The following MED13L variants were observed in gnomAD, a reference collection of about 807,000 sequenced individuals.
MED13L encodes mediator complex subunit 13L.
A neutral mutation model predicts 220.9 loss-of-function variants in MED13L; 7 were observed. The ratio of observed to expected loss-of-function variants is 0.03; its 90% CI spans 0.02 to 0.06. MED13L has a LOEUF of 0.06. Ranked by LOEUF, MED13L falls within the 10% of genes least tolerant of loss-of-function variation. The pLI is 1.00. For synonymous variants in MED13L, 1,011 were observed against 1,015.2 expected (o/e 1.00, Z 0.08); for missense variants, 1,965 against 2,760.5 (o/e 0.71, Z 6.46).
intron 1 of MED13L, among the ~76,000 whole-genome samples, chr12:116,268,590 G>A (rs542611182): frequency 2.7e-5 from 4 of 150,760 alleles, no homozygotes; most frequent in African/African-American, 9.7e-5. Flanking sequence ...GTTTGAAACC[G>A]CCTGAGCAAC....
chr12:115,969,395 A>G lies in MED13L; in HGVS notation c.6068-298T>C, dbSNP rs77172391. 3.3e-4 allele frequency among the ~76,000 whole-genome samples: 51 copies of G among 152,348 alleles called. No individual in the cohort carries two copies. In the East Asian group the frequency reaches 8.3e-3, roughly 25 times the overall value. ...TCCAAAGACACATAAAAGTATGGTAAAAGAGCTAAAGCAACAATTTAATCA... is the reference window on the plus strand; with the variant it reads ...TCCAAAGACACATAAAAGTATGGTAGAAGAGCTAAAGCAACAATTTAATCA... On this transcript the variant is annotated intron_variant, in intron 27 of 30. Coordinates refer to ENST00000281928, the MANE Select transcript of MED13L (RefSeq NM_015335.5).
intron 4 of MED13L, among the ~76,000 whole-genome samples, chr12:116,054,572 A>AATAGCT (rs1258425072): frequency 6.6e-6 from 1 of 152,220 alleles, no homozygotes; most frequent in Admixed American, 6.5e-5. Context: ...ATCAGAAAAG[A>AATAGCT]ATAGCTTTCA....
chr12:115,986,217 A>G, intron 19 of MED13L, 49 bp downstream of exon 19: 1 of 1,520,914 alleles, frequency 6.6e-7, no homozygotes, highest in African/African-American at 1.4e-5. Context: ...ACTATAAACA[A>G]TCAGAGGATC....
chr12:116,014,440 G>A (rs921948130), intron 8 of MED13L, among the ~76,000 whole-genome samples: 1 of 152,156 alleles, frequency 6.6e-6, no homozygotes, highest in Non-Finnish European at 1.5e-5. Flanking sequence ...TTGATAAGTG[G>A]AATAGTACTT....
At chr12:116,215,134 T>C (rs1236463460) in intron 2 of MED13L, among the ~76,000 whole-genome samples, 1 of 152,224 alleles carries the variant, frequency 6.6e-6, no homozygotes, top group Non-Finnish European at 1.5e-5. Context: ...GTAAAATATC[T>C]TATTTTTGCT....
chr12:116,065,840 C>A (rs1343414506), intron 4 of MED13L, among the ~76,000 whole-genome samples: 8 of 152,186 alleles, frequency 5.3e-5, no homozygotes, highest in African/African-American at 1.9e-4. Context: ...TTGCCACAGG[C>A]AGTTTTGGAA....
intron 14 of MED13L, among the ~76,000 whole-genome samples, chr12:116,002,660 AAT>A (rs1373281651): frequency 6.6e-6 from 1 of 152,204 alleles, no homozygotes; most frequent in East Asian, 1.9e-4. Flanking sequence ...ACAGTCTTAT[AAT>A]AGAGTATCAG....
chr12:116,009,410 T>C (rs779617521), intron 9 of MED13L, among the ~76,000 whole-genome samples: 10 of 152,170 alleles, frequency 6.6e-5, no homozygotes, highest in South Asian at 4.1e-4. Flanking sequence ...CCAAATCTTT[T>C]AGATTTGGTG....
chr12:116,033,369 T>C (rs1880974607), intron 4 of MED13L, among the ~76,000 whole-genome samples: 1 of 152,216 alleles, frequency 6.6e-6, no homozygotes, highest in Non-Finnish European at 1.5e-5. Context: ...ATAAAAATTA[T>C]TAAACTATTT....
intron 2 of MED13L, among the ~76,000 whole-genome samples, chr12:116,234,400 G>T (rs562101401): frequency 1.2e-4 from 18 of 151,694 alleles, no homozygotes; most frequent in African/African-American, 4.4e-4. Flanking sequence ...GCTAATTTTT[G>T]TTTATTTTTA....
At chr12:116,136,069 A>AT (rs1876525831) in intron 2 of MED13L, among the ~76,000 whole-genome samples, 1 of 151,882 alleles carries the variant, frequency 6.6e-6, no homozygotes, top group East Asian at 1.9e-4. Context: ...TGCCCGGCTA[A>AT]TTTTTGTATT....
At chr12:116,100,532 A>G (rs759141583) in intron 3 of MED13L, among the ~76,000 whole-genome samples, 4 of 148,164 alleles carry the variant, frequency 2.7e-5, no homozygotes, top group South Asian at 4.4e-4. Flanking sequence ...CCCAGGAGGT[A>G]GAGACAGCAG....
chr12:116,223,845 A>G (rs145976560), intron 2 of MED13L, among the ~76,000 whole-genome samples: 233 of 152,338 alleles, frequency 1.5e-3, no homozygotes, highest in African/African-American at 5.5e-3. Context: ...ACAATATCCT[A>G]TAACAACATC....
At chr12:116,019,663 A>T in intron 6 of MED13L, 115 bp downstream of exon 6, 1 of 1,310,566 alleles carries the variant, frequency 7.6e-7, no homozygotes, top group Non-Finnish European at 1.1e-6. Context: ...TGTCAAGAGA[A>T]TTTCTTTAAA....
intron 2 of MED13L, among the ~76,000 whole-genome samples, chr12:116,128,284 T>C (rs1277469415): frequency 1.3e-5 from 2 of 152,004 alleles, no homozygotes; most frequent in Non-Finnish European, 2.9e-5. Context: ...TGGAGCAAAA[T>C]GCAACCTAAT....
chr12:116,106,541 T>TAATA (rs1873588912), intron 3 of MED13L, among the ~76,000 whole-genome samples: 1 of 152,086 alleles, frequency 6.6e-6, no homozygotes, highest in African/African-American at 2.4e-5. Context: ...AAAGTATATA[T>TAATA]TCAGTAAAAA....
chr12:116,009,179 G>A, intron 9 of MED13L, 47 bp from the exon 10 acceptor site: 1 of 1,607,758 alleles, frequency 6.2e-7, no homozygotes, highest in Non-Finnish European at 8.5e-7. Flanking sequence ...TAAGAAAAGA[G>A]ATTCTCTGAC....
At chr12:116,205,532 GAAAAA>G (rs34982320) in intron 2 of MED13L, among the ~76,000 whole-genome samples, 5 of 94,030 alleles carry the variant, frequency 5.3e-5, no homozygotes, top group Non-Finnish European at 8.3e-5. Context: ...CAAAGGAAGA[GAAAAA>G]AAAAAAAAAA....
At chr12:116,055,472 G>C (rs746607358) in intron 4 of MED13L, among the ~76,000 whole-genome samples, 4 of 152,214 alleles carry the variant, frequency 2.6e-5, no homozygotes, top group Non-Finnish European at 5.9e-5. Flanking sequence ...ATTCACAAGA[G>C]AAGTTAGTTC....
Sources: allele counts gnomAD v4.1 joint callset (sites outside exome capture counted in the v4.1 genomes callset), GRCh38; gene constraint gnomAD v4.1.1; transcripts MANE v1.5; gene names NCBI Gene and HGNC (gene_info 2026-07-23, HGNC 2026-07-21).